The following CACNA1B variants were observed in gnomAD, a reference collection of about 807,000 sequenced individuals.
CACNA1B encodes calcium voltage-gated channel subunit alpha1 B, also known as voltage-dependent N-type calcium channel subunit alpha-1B.
In CACNA1B, 70 loss-of-function variants were observed where a neutral mutation model predicts 247.2. That is an observed-to-expected ratio of 0.28 (90% CI 0.23 to 0.35). The LOEUF (loss-of-function observed/expected upper bound fraction) is 0.35, where lower values mean the gene tolerates loss of function less well. Among genes scored for constraint, CACNA1B ranks in the 10% least tolerant of loss-of-function variants. The pLI is 1.00. For missense variants in CACNA1B, 2,367 were observed against 3,197.4 expected (o/e 0.74, Z 6.26); for synonymous variants, 1,231 against 1,294.4 (o/e 0.95, Z 1.05).
Position 138,100,987 on chromosome 9 carries a change from C to A in CACNA1B, c.5223-1724C>A. 1 of 430,522 alleles carries A rather than the reference C, an allele frequency of 2.3e-6. No homozygotes were observed. The highest frequency in any genetic ancestry group is 1.7e-5 in the South Asian group (1 of 57,472). The allele number at this position is 430,522 out of a possible 1,614,324, so 26.7% of individuals were successfully genotyped here. On this transcript the variant is annotated intron_variant, in intron 37 of 46. Transcript: ENST00000371372. This position sits in a 1 kb window ranked among gnomAD's most constrained non-coding sequence, Gnocchi z 4.6. Reference sequence around the variant, plus strand: ...CGAGGTGCCACCTGTCCAGTGCACCCCTCACCTCCGCCGCCACGCCTGCGC... The same window carrying A: ...CGAGGTGCCACCTGTCCAGTGCACCACTCACCTCCGCCGCCACGCCTGCGC...
chr9:137,963,553 C>T (rs999543776), intron 10 of CACNA1B, among the ~76,000 whole-genome samples: 1 of 152,174 alleles, frequency 6.6e-6, no homozygotes, highest in African/African-American at 2.4e-5. Context: ...TGTGCCACCA[C>T]ACCTGGCTAA....
rs576846676 is a variant in CACNA1B, at chr9:138,014,650, C to T, written c.2267+1415C>T. Among the ~76,000 whole-genome samples the T allele has an allele frequency of 6.6e-6, 1 of 152,314 alleles. No individual in the cohort carries two copies. The highest frequency in any genetic ancestry group is 2.1e-4 in the South Asian group (1 of 4,828). Reference sequence around the variant, plus strand: ...GTGAGCTCTGCAGGTGGGTGGTCTGCAGTAGATGGGGCGAGTGGTGTGTTC... The same window carrying T: ...GTGAGCTCTGCAGGTGGGTGGTCTGTAGTAGATGGGGCGAGTGGTGTGTTC... On this transcript the variant is annotated intron_variant, in intron 18 of 46. Coordinates refer to ENST00000371372, the MANE Select transcript of CACNA1B (RefSeq NM_000718.4). The surrounding 1 kb of genome is among the most constrained non-coding windows in gnomAD (Gnocchi z 6.2).
chr9:137,982,782 C>T (rs545819214), intron 12 of CACNA1B, among the ~76,000 whole-genome samples: 1 of 152,214 alleles, frequency 6.6e-6, no homozygotes, highest in Non-Finnish European at 1.5e-5. Context: ...ACAGATGGCA[C>T]TCTTGGCAAG....
In CACNA1B at chr9:137,986,668, A is replaced by T; in HGVS notation, c.1902-114A>T. On this transcript the variant is annotated intron_variant, in intron 14 of 46. Coordinates refer to ENST00000371372, the MANE Select transcript of CACNA1B (RefSeq NM_000718.4). This position sits in a 1 kb window ranked among gnomAD's most constrained non-coding sequence, Gnocchi z 6.0. ...CACCAGGAAGGTCCTCAGAGGGGCC[A>T]GTGTGCAGCCATCTGCAGCCTGAAG... 2 of 1,420,106 alleles carry T rather than the reference A, an allele frequency of 1.4e-6. No homozygotes were observed. The highest frequency in any genetic ancestry group is 2.0e-6 in the Non-Finnish European group (2 of 1,006,098). 88.0% of individuals were successfully genotyped at this position (1,420,106 alleles called of 1,614,324 possible). A position where few individuals can be genotyped will look rare whatever the true frequency, so the allele number is the denominator to read the frequency against.
At chr9:138,045,599 C>G (rs925735208) in intron 21 of CACNA1B, among the ~76,000 whole-genome samples, 4 of 152,140 alleles carry the variant, frequency 2.6e-5, no homozygotes, top group African/African-American at 7.2e-5. Flanking sequence ...TGCTGGGGTC[C>G]CGCCTGCAGA....
chr9:138,058,350 C>A lies in CACNA1B; in HGVS notation c.4308+100C>A. 1 of 1,083,626 alleles carries A rather than the reference C, an allele frequency of 9.2e-7. No individual in the cohort carries two copies. The highest frequency in any genetic ancestry group is 1.4e-6 in the Non-Finnish European group (1 of 719,830). The allele number at this position is 1,083,626 out of a possible 1,614,324, so 67.1% of individuals were successfully genotyped here. On this transcript the variant is annotated intron_variant, in intron 28 of 46. Transcript: ENST00000371372. This position sits in a 1 kb window ranked among gnomAD's most constrained non-coding sequence, Gnocchi z 4.7. ...TCACTCACAGCTGGGTCAGCTTTGG[C>A]TGCCACCGTCTGCCAACACAGGGGC...
chr9:138,098,970 C>T (rs996113712), intron 37 of CACNA1B, among the ~76,000 whole-genome samples: 3 of 152,270 alleles, frequency 2.0e-5, no homozygotes, highest in Non-Finnish European at 2.9e-5. Context: ...CTGAGCAGAG[C>T]ACAGGGCACC....
intron 6 of CACNA1B, among the ~76,000 whole-genome samples, chr9:137,947,976 T>C (rs13288359): frequency 1.5e-5 from 1 of 67,590 alleles, no homozygotes; most frequent in Non-Finnish European, 2.7e-5. Flanking sequence ...TCAGCATTCC[T>C]TTTTTTTTTT....
At position 138,105,504 on chromosome 9, in the gene CACNA1B, G is replaced by A. The variant is rs535230136; in HGVS notation, c.5320-195G>A. ...GCCAGGAGGGTCCTCAGCTAGATTTGTGGGGCGGGGAGTCCAGGGGAGAGT... is the reference window on the plus strand; with the variant it reads ...GCCAGGAGGGTCCTCAGCTAGATTTATGGGGCGGGGAGTCCAGGGGAGAGT... On this transcript the variant is annotated intron_variant, in intron 38 of 46. Transcript: ENST00000371372. Among the ~76,000 whole-genome samples the A allele has an allele frequency of 7.2e-5, 11 of 152,252 alleles. No homozygotes were observed. In the South Asian group the frequency reaches 1.7e-3, roughly 23 times the overall value.
At position 138,017,075 on chromosome 9, in the gene CACNA1B, G is replaced by C. The variant is rs141605922; in HGVS notation, c.2267+3840G>C. The C allele has an allele frequency of 7.0e-4, 357 of 508,032 alleles. 3 individuals are homozygous for C. The Middle Eastern group carries it at 0.011, about 16-fold the overall frequency. 31.5% of individuals were successfully genotyped at this position (508,032 alleles called of 1,614,324 possible). On this transcript the variant is annotated intron_variant, in intron 18 of 46. Transcript: ENST00000371372. ...CACTGGCGTGGCTCTCAGTGTCACT[G>C]GTTCTCTCAGAACTCTGTCTCTGGT...
At chr9:138,071,264 G>T (rs1171238865) in intron 32 of CACNA1B, among the ~76,000 whole-genome samples, 1 of 152,208 alleles carries the variant, frequency 6.6e-6, no homozygotes, top group Admixed American at 6.5e-5. Context: ...GTGCCTTTGG[G>T]GTGCCACAGA....
At position 138,051,151 on chromosome 9, in the gene CACNA1B, G is replaced by A. The variant is rs1461420206; in HGVS notation, c.3711-941G>A. Among the ~76,000 whole-genome samples the A allele has an allele frequency of 2.6e-5, 4 of 152,042 alleles. No homozygotes were observed. Among genetic ancestry groups the A allele is most frequent in the African/African-American group, 9.7e-5 (4 of 41,388 alleles). ...GTAGAGTGGCTTTGCTTCTGAGAAC[G>A]GGGGCCGCCTTAGGAGGAAATCTCT... is the stretch of plus-strand genomic sequence containing the variant. On this transcript the variant is annotated intron_variant, in intron 24 of 46. Coordinates refer to ENST00000371372, the MANE Select transcript of CACNA1B (RefSeq NM_000718.4). This position sits in a 1 kb window ranked among gnomAD's most constrained non-coding sequence, Gnocchi z 4.3.
At chr9:138,074,799 C>G (rs548744418) in intron 34 of CACNA1B, among the ~76,000 whole-genome samples, 1 of 152,182 alleles carries the variant, frequency 6.6e-6, no homozygotes, top group African/African-American at 2.4e-5. Flanking sequence ...CTGTGTTTGC[C>G]GAGTGGCTTG....
rs1958673112 is a variant in CACNA1B, at chr9:138,007,850, C to T, written c.2092+966C>T. Among the ~76,000 whole-genome samples the T allele has an allele frequency of 6.6e-6, 1 of 152,226 alleles. No individual in the cohort carries two copies. The highest frequency in any genetic ancestry group is 1.5e-5 in the Non-Finnish European group (1 of 68,036). On this transcript the variant is annotated intron_variant, in intron 16 of 46. Transcript: ENST00000371372. The surrounding 1 kb of genome is among the most constrained non-coding windows in gnomAD (Gnocchi z 4.1). Reference sequence around the variant, plus strand: ...TTCTCACACACGATGGCCACTCCACCCCGTCTGTCTGTCCTCGTCTCTGCC... The same window carrying T: ...TTCTCACACACGATGGCCACTCCACTCCGTCTGTCTGTCCTCGTCTCTGCC...
In CACNA1B at chr9:138,020,877, C is replaced by T. The variant is rs1293617349; in HGVS notation, c.2268-2134C>T. Among the ~76,000 whole-genome samples, 1 of 152,368 alleles carries T rather than the reference C, an allele frequency of 6.6e-6. No individual in the cohort carries two copies. The highest frequency in any genetic ancestry group is 2.4e-5 in the African/African-American group (1 of 41,590). On this transcript the variant is annotated intron_variant, in intron 18 of 46. Coordinates refer to ENST00000371372, the MANE Select transcript of CACNA1B (RefSeq NM_000718.4). The surrounding 1 kb of genome is among the most constrained non-coding windows in gnomAD (Gnocchi z 4.1). ...GTCTGGAGCCCACCCCACCTTCACA[C>T]AGACCCTGTGCCTCTGCATGTTCCC...
intron 12 of CACNA1B, among the ~76,000 whole-genome samples, 182 bp from the exon 13 acceptor site, chr9:137,983,956 A>G (rs1318664374): frequency 1.3e-5 from 2 of 151,800 alleles, no homozygotes; most frequent in African/African-American, 4.8e-5. Flanking sequence ...GCCTTTCCCA[A>G]AGGTTCCAAG....
At chr9:138,091,397 A>G (rs950175086) in intron 36 of CACNA1B, among the ~76,000 whole-genome samples, 2 of 152,218 alleles carry the variant, frequency 1.3e-5, no homozygotes, top group South Asian at 4.1e-4. Flanking sequence ...GGTTAGGAGG[A>G]TGGGGGATAG....
intron 6 of CACNA1B, among the ~76,000 whole-genome samples, chr9:137,942,900 A>G (rs889857925): frequency 6.6e-6 from 1 of 152,198 alleles, no homozygotes; most frequent in African/African-American, 2.4e-5. Flanking sequence ...AAAATCTCAT[A>G]AATCACCACT....
rs970480017 is a variant in CACNA1B, at chr9:138,059,053, G to A, written c.4474-26G>A. The A allele has an allele frequency of 1.4e-6, 2 of 1,443,188 alleles. No individual in the cohort carries two copies. The highest frequency in any genetic ancestry group is 1.9e-6 in the Non-Finnish European group (2 of 1,027,844). 89.4% of individuals were successfully genotyped at this position (1,443,188 alleles called of 1,614,324 possible). ...GTGTCTTGGGGCTGCCAAACCCATG[G>A]CCAACAGTGCCTATTCCCCGGGCAG... On this transcript the variant is annotated intron_variant, in intron 29 of 46. Transcript: ENST00000371372. This position sits in a 1 kb window ranked among gnomAD's most constrained non-coding sequence, Gnocchi z 4.2.
Sources: gnomAD v4.1 joint callset for allele counts (sites outside exome capture counted in the v4.1 genomes callset) on GRCh38, gnomAD v4.1.1 for gene constraint, Gnocchi (gnomAD v3.1) non-coding constraint, MANE v1.5 for transcripts, NCBI Gene and HGNC (gene_info 2026-07-23, HGNC 2026-07-21) for gene names.